Variants in GALNTL6 observed in about 807,000 individuals in gnomAD.
GALNTL6 encodes polypeptide N-acetylgalactosaminyltransferase-like 6.
Under a neutral mutation model 73.7 loss-of-function variants are expected in GALNTL6, and 46 were observed. The observed-to-expected ratio is 0.62, with a 90% CI of 0.49 to 0.80. The LOEUF (loss-of-function observed/expected upper bound fraction) is 0.80, where lower values mean the gene tolerates loss of function less well. Ranked by LOEUF, GALNTL6 falls within the 30% of genes least tolerant of loss-of-function variation. GALNTL6 has a pLI of 0.00. For synonymous variants in GALNTL6, 259 were observed against 263.7 expected (o/e 0.98, Z 0.17); for missense variants, 604 against 755.0 (o/e 0.80, Z 2.34).
At chr4:171,972,121 T>C (rs542632985) in intron 2 of GALNTL6, among the ~76,000 whole-genome samples, 3 of 152,322 alleles carry the variant, frequency 2.0e-5, no homozygotes, top group Admixed American at 6.5e-5. Flanking sequence ...TATCCCGTTG[T>C]CCAAAGTTAT....
intron 7 of GALNTL6, among the ~76,000 whole-genome samples, chr4:172,856,090 G>C (rs17058975): frequency 0.073 from 11,130 of 152,256 alleles, 580 homozygotes; most frequent in African/African-American, 0.14. Context: ...ATTGAAAACA[G>C]CTTCATCAGT....
At chr4:172,170,905 G>A (rs1373800167) in intron 2 of GALNTL6, among the ~76,000 whole-genome samples, 2 of 152,186 alleles carry the variant, frequency 1.3e-5, no homozygotes, top group African/African-American at 2.4e-5. Flanking sequence ...TTTTACATAT[G>A]TGCATGGTGA....
intron 2 of GALNTL6, among the ~76,000 whole-genome samples, chr4:171,952,883 A>G (rs1246056079): frequency 6.6e-6 from 1 of 152,164 alleles, no homozygotes; most frequent in Non-Finnish European, 1.5e-5. Flanking sequence ...AAAGAAAGGA[A>G]AAGAGCTTGA....
chr4:172,272,685 T>C (rs1738696723), intron 3 of GALNTL6, among the ~76,000 whole-genome samples: 1 of 152,204 alleles, frequency 6.6e-6, no homozygotes, highest in African/African-American at 2.4e-5. Flanking sequence ...AATAAATGTG[T>C]AGAAAATTAT....
chr4:172,626,445 A>C (rs934370268), intron 5 of GALNTL6, among the ~76,000 whole-genome samples: 2 of 151,964 alleles, frequency 1.3e-5, no homozygotes, highest in Non-Finnish European at 2.9e-5. Context: ...TGGTAACATG[A>C]TGTCTCATGG....
chr4:172,816,711 C>A (rs1353193376), intron 7 of GALNTL6, among the ~76,000 whole-genome samples: 1 of 152,128 alleles, frequency 6.6e-6, no homozygotes, highest in Non-Finnish European at 1.5e-5. Context: ...ACAAAGGGAT[C>A]CTGTTTTTCA....
rs114451709 is a variant in GALNTL6, at chr4:172,418,551, G to A, written c.553+69862G>A. Among the ~76,000 whole-genome samples the A allele has an allele frequency of 4.9e-3, 743 of 152,226 alleles. 7 individuals carry two copies. Among genetic ancestry groups the A allele is most frequent in the African/African-American group, 0.016 (685 of 41,532 alleles). The stretch of plus-strand genomic sequence containing the variant: ...AGTCAACCCACAGCCTGAGGCTGAG[G>A]GAATAGCCAAATCCAGCCTAGATCA... On this transcript the variant is annotated intron_variant, in intron 5 of 12. Coordinates refer to ENST00000506823, the MANE Select transcript of GALNTL6 (RefSeq NM_001034845.3).
intron 8 of GALNTL6, among the ~76,000 whole-genome samples, chr4:172,919,263 T>C (rs1747676628): frequency 6.6e-6 from 1 of 152,222 alleles, no homozygotes; most frequent in Non-Finnish European, 1.5e-5. Flanking sequence ...GATGAGTCTC[T>C]TGGTGGCCTG....
At chr4:172,852,943 T>A (rs572361537) in intron 7 of GALNTL6, among the ~76,000 whole-genome samples, 32 of 152,128 alleles carry the variant, frequency 2.1e-4, no homozygotes, top group African/African-American at 7.2e-4. Context: ...GGAGAAAAAA[T>A]TAACACTTAT....
chr4:172,696,996 A>G (rs1384921077), intron 5 of GALNTL6, among the ~76,000 whole-genome samples: 1 of 152,200 alleles, frequency 6.6e-6, no homozygotes, highest in East Asian at 1.9e-4. Context: ...GGACTACACA[A>G]TTTTAAAGTA....
chr4:172,066,447 C>G (rs1420787585), intron 2 of GALNTL6, among the ~76,000 whole-genome samples: 5 of 151,814 alleles, frequency 3.3e-5, no homozygotes, highest in African/African-American at 1.2e-4. Flanking sequence ...AGATAAATCT[C>G]AAAGCAGCTA....
At chr4:171,902,852 TG>T (rs1209036137) in intron 2 of GALNTL6, among the ~76,000 whole-genome samples, 2 of 152,174 alleles carry the variant, frequency 1.3e-5, no homozygotes, top group Non-Finnish European at 2.9e-5. Context: ...ATAGTAAATA[TG>T]ATAGTTTTGA....
chr4:171,820,058 C>T (rs1005089934), intron 2 of GALNTL6, among the ~76,000 whole-genome samples: 1 of 152,008 alleles, frequency 6.6e-6, no homozygotes, highest in African/African-American at 2.4e-5. Context: ...AAAATGTAGT[C>T]GTAATGCTTG....
chr4:172,678,141 C>T (rs1732414157), intron 5 of GALNTL6, among the ~76,000 whole-genome samples: 1 of 152,124 alleles, frequency 6.6e-6, no homozygotes, highest in African/African-American at 2.4e-5. Flanking sequence ...CCTAAAATGG[C>T]CTGTTTTCAA....
At position 172,550,146 on chromosome 4, in the gene GALNTL6, A is replaced by G. The variant is rs190809380; in HGVS notation, c.553+201457A>G. Among the ~76,000 whole-genome samples the G allele has an allele frequency of 7.9e-5, 12 of 152,192 alleles. No individual in the cohort carries two copies. The East Asian group carries it at 2.3e-3, about 29-fold the overall frequency. On this transcript the variant is annotated intron_variant, in intron 5 of 12. Coordinates refer to ENST00000506823, the MANE Select transcript of GALNTL6 (RefSeq NM_001034845.3). ...CTCATATATACATATATAGTTGTAC[A>G]ATTACATGACTATTTCTTATAGTAA...
chr4:171,997,798 G>GAGAC (rs1373724137), intron 2 of GALNTL6, among the ~76,000 whole-genome samples: 3 of 152,026 alleles, frequency 2.0e-5, no homozygotes, highest in African/African-American at 7.2e-5. Flanking sequence ...AAGAGAGAGA[G>GAGAC]AGACAGATAT....
chr4:172,679,383 C>T (rs1361152920), intron 5 of GALNTL6, among the ~76,000 whole-genome samples: 3 of 151,136 alleles, frequency 2.0e-5, no homozygotes, highest in African/African-American at 7.3e-5. Flanking sequence ...TGCACTCCAG[C>T]CTGGGCAATA....
At chr4:172,100,294 A>T (rs1016481891) in intron 2 of GALNTL6, among the ~76,000 whole-genome samples, 7 of 152,110 alleles carry the variant, frequency 4.6e-5, no homozygotes, top group Admixed American at 6.6e-5. Flanking sequence ...CTTAATGATA[A>T]TAATATTATT....
At position 172,809,619 on chromosome 4, in the gene GALNTL6, C is replaced by CTGATTGCAAACTA; in HGVS notation, c.739+73_739+74insTGATTGCAAACTA. 1 of 1,265,156 alleles carries CTGATTGCAAACTA rather than the reference C, an allele frequency of 7.9e-7. No individual in the cohort carries two copies. Among genetic ancestry groups the CTGATTGCAAACTA allele is most frequent in the Non-Finnish European group, 1.1e-6 (1 of 913,384 alleles). The allele number at this position is 1,265,156 out of a possible 1,614,324, so 78.4% of individuals were successfully genotyped here. Reference sequence around the variant, plus strand: ...GAGCGGTTTGCTTCTATTTAGTTTGCAATCAGCAAACACTAGAGGTCCCTT... The same window carrying CTGATTGCAAACTA: ...GAGCGGTTTGCTTCTATTTAGTTTGCTGATTGCAAACTAAATCAGCAAACACTAGAGGTCCCTT... On this transcript the variant is annotated intron_variant, in intron 6 of 12. Transcript: ENST00000506823. The surrounding 1 kb of genome is among the most constrained non-coding windows in gnomAD (Gnocchi z 4.4).
Sources: gnomAD v4.1 joint callset for allele counts (sites outside exome capture counted in the v4.1 genomes callset) on GRCh38, gnomAD v4.1.1 for gene constraint, Gnocchi (gnomAD v3.1) non-coding constraint, MANE v1.5 for transcripts, NCBI Gene and HGNC (gene_info 2026-07-23, HGNC 2026-07-21) for gene names.